The following CENPU variants were observed in gnomAD, a reference collection of about 807,000 sequenced individuals.
CENPU encodes the protein centromere protein U.
A neutral mutation model predicts 56.7 loss-of-function variants in CENPU; 46 were observed. The observed-to-expected ratio is 0.81, with a 90% confidence interval of 0.64 to 1.04. The LOEUF (loss-of-function observed/expected upper bound fraction) is 1.04, where lower values mean the gene tolerates loss of function less well. CENPU is among the 50% of genes least tolerant of loss of function. The pLI, the probability that CENPU is intolerant of heterozygous loss-of-function variation, is 0.00. For synonymous variants in CENPU, 166 were observed against 163.0 expected, an observed-to-expected ratio of 1.02 and a Z score of -0.14; for missense variants, 510 against 490.1, an observed-to-expected ratio of 1.04 and a Z score of -0.38.
At chr4:184,733,384 A>C in intron 1 of CENPU, 1 of 990,884 alleles carries the variant, frequency 1.0e-6, no homozygotes. Context: ...CACCGTCTGC[A>C]GCAAGCCGAG....
chr4:184,713,221 T>A (rs978466885), intron 6 of CENPU, among the ~76,000 whole-genome samples: 2 of 152,032 alleles, frequency 1.3e-5, no homozygotes, highest in African/African-American at 4.8e-5. Context: ...TGAAACCCCA[T>A]CTCTACTAAA....
intron 4 of CENPU, among the ~76,000 whole-genome samples, chr4:184,720,012 T>G (rs1316157432): frequency 6.6e-6 from 1 of 152,134 alleles, no homozygotes; most frequent in Non-Finnish European, 1.5e-5. Context: ...CAGTGAAACA[T>G]GACCTCATCA....
At chr4:184,702,062 A>ATGAC (rs768950462) in intron 10 of CENPU, 27 bp downstream of exon 10, 1 of 1,503,902 alleles carries the variant, frequency 6.6e-7, no homozygotes, top group East Asian at 2.3e-5. Context: ...GTTTGACTCT[A>ATGAC]TGACTCTAAT....
intron 2 of CENPU, among the ~76,000 whole-genome samples, 155 bp downstream of exon 2, chr4:184,730,765 C>T (rs1761612126): frequency 6.6e-6 from 1 of 151,978 alleles, no homozygotes; most frequent in Admixed American, 6.6e-5. Flanking sequence ...TCATTTTATC[C>T]ACTATACCGG....
intron 11 of CENPU, chr4:184,698,133 C>G (rs532743014): frequency 4.7e-6 from 1 of 212,640 alleles, no homozygotes; most frequent in African/African-American, 2.4e-5. Context: ...CTCGCACCAG[C>G]GGAGCCAGGC....
At position 184,727,270 on chromosome 4, in the gene CENPU, A is replaced by T. The variant is rs1246424146; in HGVS notation, c.214+1648T>A. Among the ~76,000 whole-genome samples, 5 of 152,228 alleles carry T rather than the reference A, an allele frequency of 3.3e-5. No homozygotes were observed. The East Asian group carries it at 9.6e-4, about 29-fold the overall frequency. On this transcript the variant is annotated intron_variant, in intron 3 of 12. Transcript: ENST00000281453. ...AGAAAACAGAATGATGGTTGCCAGG[A>T]GTTGAGGGGAGGGAAGAATGGGAAG...
intron 7 of CENPU, among the ~76,000 whole-genome samples, chr4:184,712,155 T>C (rs189283591): frequency 1.3e-5 from 2 of 149,456 alleles, no homozygotes; most frequent in East Asian, 3.9e-4. Flanking sequence ...AGCAGCTTTA[T>C]TCAAATAGCC....
intron 8 of CENPU, among the ~76,000 whole-genome samples, chr4:184,702,889 CA>C (rs1213830302): frequency 6.6e-6 from 1 of 152,148 alleles, no homozygotes; most frequent in Non-Finnish European, 1.5e-5. Flanking sequence ...CATATTGCTG[CA>C]AAGGACATGA....
At chr4:184,710,253 A>C (rs1760876663) in intron 7 of CENPU, 73 bp from the exon 8 acceptor site, 1 of 905,282 alleles carries the variant, frequency 1.1e-6, no homozygotes, top group Admixed American at 2.2e-5. Flanking sequence ...TGAAAGCCTG[A>C]CACAAAAATA....
chr4:184,733,456 G>GCA (rs1435128976), intron 1 of CENPU: 1 of 980,358 alleles, frequency 1.0e-6, no homozygotes, highest in Non-Finnish European at 1.2e-6. Context: ...TCAGCGACCA[G>GCA]CATTCTAGAG....
In CENPU at chr4:184,720,474, G is replaced by A. The variant is rs188737999; in HGVS notation, c.321-3278C>T. 2.2e-3 allele frequency among the ~76,000 whole-genome samples: 337 copies of A among 152,216 alleles called. 3 individuals are homozygous for A. Among genetic ancestry groups the A allele is most frequent in the African/African-American group, 7.8e-3 (323 of 41,532 alleles). On this transcript the variant is annotated intron_variant, in intron 4 of 12. Transcript: ENST00000281453. ...GGGGGTAGAAAGTTTATTCAAAAAC[G>A]TAGTAACAGAGAACTTCCTAAACCA...
chr4:184,731,149 C>T (rs1361044717), intron 1 of CENPU, among the ~76,000 whole-genome samples, 181 bp from the exon 2 acceptor site: 1 of 152,082 alleles, frequency 6.6e-6, no homozygotes, highest in Non-Finnish European at 1.5e-5. Context: ...ACCTCTCCCC[C>T]TCAGGGACAT....
intron 3 of CENPU, among the ~76,000 whole-genome samples, chr4:184,725,786 A>T (rs926433029): frequency 6.6e-6 from 1 of 152,220 alleles, no homozygotes; most frequent in Admixed American, 6.5e-5. Flanking sequence ...ACATAAAAAG[A>T]TACCTTGAAT....
chr4:184,712,850 T>C, intron 7 of CENPU, 94 bp downstream of exon 7: 1 of 863,730 alleles, frequency 1.2e-6, no homozygotes, highest in Non-Finnish European at 1.8e-6. Context: ...TTTTATGTAC[T>C]TACAATTTAC....
At chr4:184,733,190 G>T in intron 1 of CENPU, 1 of 261,142 alleles carries the variant, frequency 3.8e-6, no homozygotes, top group Non-Finnish European at 6.0e-6. Flanking sequence ...TTGCACTGGG[G>T]GAGTCTTCAT....
At chr4:184,700,538 T>C (rs28444118) in intron 11 of CENPU, among the ~76,000 whole-genome samples, 27,146 of 152,176 alleles carry the variant, frequency 0.18, 2,730 homozygotes, top group African/African-American at 0.26. Context: ...CAGTTTAATG[T>C]GTAGATTCTA....
intron 3 of CENPU, among the ~76,000 whole-genome samples, chr4:184,727,794 A>G (rs570826741): frequency 6.6e-6 from 1 of 152,370 alleles, no homozygotes; most frequent in Non-Finnish European, 1.5e-5. Context: ...TATCCAAACA[A>G]TGGAGTATCA....
At chr4:184,705,349 T>C (rs990852366) in intron 8 of CENPU, among the ~76,000 whole-genome samples, 1 of 152,194 alleles carries the variant, frequency 6.6e-6, no homozygotes, top group Non-Finnish European at 1.5e-5. Flanking sequence ...TTCATTTATA[T>C]AACATTCCTG....
Position 184,713,002 on chromosome 4 carries a change from T to C in CENPU, c.630A>G (p.Lys210=), listed in dbSNP as rs751916293. ...TTTTGTCATGAGATATCTTCCCTTT[T>C]TTCTGAGTTTTCTACAAAAAAAAAA... ...LAIESQSKTQ[K]KGKISHDKRK... The change falls in exon 7 of 13, where the codon AAA becomes AAG. Residue 210 remains lysine, a synonymous_variant. Coordinates refer to ENST00000281453, the MANE Select transcript of CENPU (RefSeq NM_024629.4). 1 of 1,574,842 alleles carries C rather than the reference T, an allele frequency of 6.3e-7. No individual in the cohort carries two copies. The highest frequency in any genetic ancestry group is 2.2e-5 in the East Asian group (1 of 44,708).
Sources: allele counts gnomAD v4.1 joint callset (sites outside exome capture counted in the v4.1 genomes callset), GRCh38; gene constraint gnomAD v4.1.1; transcripts MANE v1.5; gene names NCBI Gene and HGNC (gene_info 2026-07-23, HGNC 2026-07-21).